SLC6A19: variants seen among roughly 807,000 people sequenced by gnomAD.
SLC6A19 encodes sodium-dependent neutral amino acid transporter B(0)AT1.
In SLC6A19, 67 loss-of-function variants were observed where a neutral mutation model predicts 68.3. That is an observed-to-expected ratio of 0.98 (90% confidence interval 0.81 to 1.20). The LOEUF is 1.20. Among genes scored for constraint, SLC6A19 ranks in the 50% most tolerant of loss-of-function variants. The probability of loss-of-function intolerance (pLI) is 0.00; values close to 1 mark genes in which losing one functional copy is unlikely to be tolerated. For synonymous variants in SLC6A19, 392 were observed against 374.9 expected (o/e 1.05, Z -0.53); for missense variants, 813 against 851.6 (o/e 0.95, Z 0.56).
At position 1,214,305 on chromosome 5, in the gene SLC6A19, A is replaced by G. The variant is rs1455121672; in HGVS notation, c.887+240A>G. 1.3e-5 allele frequency among the ~76,000 whole-genome samples: 2 copies of G among 151,666 alleles called. No individual in the cohort carries two copies. Among genetic ancestry groups the G allele is most frequent in the African/African-American group, 2.4e-5 (1 of 41,216 alleles). The stretch of plus-strand genomic sequence containing the variant: ...GCCGGGCGCCTGCAGCTTTCCCCAC[A>G]CCCGTCCCTCCACGAGCCTGGTGCA... On this transcript the variant is annotated intron_variant, in intron 6 of 11. Transcript: ENST00000304460. The surrounding 1 kb of genome is among the most constrained non-coding windows in gnomAD (Gnocchi z 7.4).
At position 1,210,552 on chromosome 5, in the gene SLC6A19, G is replaced by A. The variant is rs1745996598; in HGVS notation, c.452G>A (p.Ser151Asn). The change falls in exon 3 of 12, where the codon AGC becomes AAC. Residue 151 changes from serine to asparagine, a missense_variant. Coordinates refer to ENST00000304460, the MANE Select transcript of SLC6A19 (RefSeq NM_001003841.3). ...FNSFQEPLPW[S>N]DCPLNENQTG... ...TCCTTCCAGGAGCCTCTGCCCTGGA[G>A]CGACTGCCCGCTCAACGAGAACCAG... 6.2e-7 allele frequency: 1 copy of A among 1,613,076 alleles called. No homozygotes were observed. The highest frequency in any genetic ancestry group is 1.1e-5 in the South Asian group (1 of 91,094).
chr5:1,219,425 C>T (rs1746302109), intron 9 of SLC6A19, 80 bp from the exon 10 acceptor site: 5 of 1,580,710 alleles, frequency 3.2e-6, no homozygotes, highest in South Asian at 1.1e-5. Context: ...ATGTGCAGCC[C>T]CCAGTTGTGT....
intron 3 of SLC6A19, among the ~76,000 whole-genome samples, chr5:1,211,034 C>T (rs993437110): frequency 3.9e-5 from 6 of 152,166 alleles, no homozygotes; most frequent in African/African-American, 7.2e-5. Context: ...AGGGAGGGAG[C>T]GTAGGGGGCA....
intron 10 of SLC6A19, among the ~76,000 whole-genome samples, chr5:1,220,088 C>A (rs1456905491): frequency 2.0e-5 from 3 of 152,080 alleles, no homozygotes; most frequent in African/African-American, 4.8e-5. Flanking sequence ...GACAGGGACT[C>A]TTGGTTGGAG....
chr5:1,221,097 G>C (rs528723719), intron 10 of SLC6A19, 54 bp from the exon 11 acceptor site: 1 of 1,595,240 alleles, frequency 6.3e-7, no homozygotes, highest in Non-Finnish European at 8.5e-7. Context: ...AGAAAGCTTA[G>C]CGAGTTGAAG....
chr5:1,207,533 T>G (rs763653697), intron 1 of SLC6A19, among the ~76,000 whole-genome samples: 1 of 152,258 alleles, frequency 6.6e-6, no homozygotes, highest in Non-Finnish European at 1.5e-5. Flanking sequence ...AATGTGAGTG[T>G]GAAATCCTTC....
rs1196847480 is a variant in SLC6A19, at chr5:1,216,858, C to A, written c.1086C>A (p.Asp362Glu). 1.9e-5 allele frequency: 30 copies of A among 1,613,690 alleles called. No homozygotes were observed. Among genetic ancestry groups the A allele is most frequent in the Non-Finnish European group, 2.5e-5 (29 of 1,180,056 alleles). Reference sequence around the variant, plus strand: ...ACGTGACCCAGGAGAACTTTGTGGACATGCAGCAGCGGTGCAACGCCTCCG... The same window carrying A: ...ACGTGACCCAGGAGAACTTTGTGGAAATGCAGCAGCGGTGCAACGCCTCCG... The part of the protein sequence containing the change: ...EGNVTQENFV[D>E]MQQRCNASDP... The change falls in exon 8 of 12, where the codon GAC (aspartate) becomes GAA (glutamate). Residue 362 changes from aspartate to glutamate, a missense_variant. Asp to Glu is a conservative substitution (Grantham distance 45). Coordinates refer to ENST00000304460, the MANE Select transcript of SLC6A19 (RefSeq NM_001003841.3).
intron 1 of SLC6A19, among the ~76,000 whole-genome samples, chr5:1,205,425 T>C (rs1745826324): frequency 6.6e-6 from 1 of 152,092 alleles, no homozygotes. Context: ...GTGGAGTGGG[T>C]GTGTGCCCCC....
At chr5:1,202,192 C>T (rs998373520) in intron 1 of SLC6A19, among the ~76,000 whole-genome samples, 8 of 152,170 alleles carry the variant, frequency 5.3e-5, no homozygotes, top group South Asian at 2.1e-4. Context: ...CCTCGGAGGA[C>T]GCGGGGCTGG....
At chr5:1,207,450 G>A (rs1420664116) in intron 1 of SLC6A19, among the ~76,000 whole-genome samples, 2 of 152,280 alleles carry the variant, frequency 1.3e-5, no homozygotes, top group Non-Finnish European at 2.9e-5. Flanking sequence ...CTGCCGCTGA[G>A]CTCTGAGAGG....
chr5:1,219,599 C>T lies in SLC6A19; in HGVS notation c.1473C>T (p.Ser491=). Residue 491 remains serine, a synonymous_variant, in exon 10 of 12, where the codon TCC becomes TCT. Transcript: ENST00000304460. ...WLSLLDSYAG[S]IPLLIIAFCE... ...CCCTGCTGGACAGCTATGCCGGCTC[C>T]ATTCCCCTGCTCATCATCGCCTTCT... 1.9e-6 allele frequency: 3 copies of T among 1,611,354 alleles called. No homozygotes were observed. Among genetic ancestry groups the T allele is most frequent in the Non-Finnish European group, 2.5e-6 (3 of 1,180,016 alleles).
In SLC6A19 at chr5:1,222,000, T is replaced by A; in HGVS notation, c.*96T>A. ...GGGCCGGGCTGCACCTGCATGTGTGTAAGCGTGAGTGTATGCTCGTGTGTG... is the reference window on the plus strand; with the variant it reads ...GGGCCGGGCTGCACCTGCATGTGTGAAAGCGTGAGTGTATGCTCGTGTGTG... On this transcript the variant is annotated 3_prime_UTR_variant, in exon 12 of 12. Transcript: ENST00000304460. 7.5e-7 allele frequency: 1 copy of A among 1,329,392 alleles called. No individual in the cohort carries two copies. Among genetic ancestry groups the A allele is most frequent in the Non-Finnish European group, 1.1e-6 (1 of 949,718 alleles). 82.3% of individuals were successfully genotyped at this position (1,329,392 alleles called of 1,614,324 possible).
At chr5:1,220,980 G>C (rs1367425038) in intron 10 of SLC6A19, among the ~76,000 whole-genome samples, 171 bp from the exon 11 acceptor site, 1 of 152,210 alleles carries the variant, frequency 6.6e-6, no homozygotes, top group African/African-American at 2.4e-5. Context: ...TGCCCACAGA[G>C]GGGTCTGCTT....
chr5:1,205,081 G>T (rs1384185726), intron 1 of SLC6A19, among the ~76,000 whole-genome samples: 2 of 152,042 alleles, frequency 1.3e-5, no homozygotes, highest in African/African-American at 4.8e-5. Context: ...CCATTCTCTC[G>T]GTTACCTGCT....
chr5:1,208,960 G>A, intron 2 of SLC6A19, 74 bp downstream of exon 2: 1 of 1,535,916 alleles, frequency 6.5e-7, no homozygotes, highest in Non-Finnish European at 8.7e-7. Context: ...CCGGGCCCAG[G>A]GTTCGCCTTG....
In SLC6A19 at chr5:1,212,655, A is replaced by AG. The variant is rs1746077645; in HGVS notation, c.663+175dup. Among the ~76,000 whole-genome samples, 1 of 151,966 alleles carries AG rather than the reference A, an allele frequency of 6.6e-6. No homozygotes were observed. Among genetic ancestry groups the AG allele is most frequent in the African/African-American group, 2.4e-5 (1 of 41,340 alleles). ...CCTTAGGCTCACTGGCCTGGGCGGG[A>AG]GGGGCCCTGCCTGCCCCAGGTTTCC... On this transcript the variant is annotated intron_variant, in intron 4 of 11. Transcript: ENST00000304460. This position sits in a 1 kb window ranked among gnomAD's most constrained non-coding sequence, Gnocchi z 5.1.
chr5:1,214,131 A>G lies in SLC6A19; in HGVS notation c.887+66A>G. On this transcript the variant is annotated intron_variant, in intron 6 of 11. Coordinates refer to ENST00000304460, the MANE Select transcript of SLC6A19 (RefSeq NM_001003841.3). This position sits in a 1 kb window ranked among gnomAD's most constrained non-coding sequence, Gnocchi z 7.4. ...CTGGGGGGATCTTGCTGGGAGGATA[A>G]AAGACAAGGTGGAAAGCACTCTGTG... is the stretch of plus-strand genomic sequence containing the variant. 6.2e-7 allele frequency: 1 copy of G among 1,610,460 alleles called. No individual in the cohort carries two copies. The highest frequency in any genetic ancestry group is 8.5e-7 in the Non-Finnish European group (1 of 1,178,740).
In SLC6A19 at chr5:1,212,060, T is replaced by C. The variant is rs576790065; in HGVS notation, c.482-243T>C. On this transcript the variant is annotated intron_variant, in intron 3 of 11. Transcript: ENST00000304460. This position sits in a 1 kb window ranked among gnomAD's most constrained non-coding sequence, Gnocchi z 5.1. ...CTGTGTGTGTGTGTGCATGTGCATG[T>C]GTGGGGTGTGCAGGTGCATGGACCA... is the stretch of plus-strand genomic sequence containing the variant. 6.6e-6 allele frequency among the ~76,000 whole-genome samples: 1 copy of C among 150,920 alleles called. No homozygotes were observed. Among genetic ancestry groups the C allele is most frequent in the African/African-American group, 2.4e-5 (1 of 40,870 alleles).
Position 1,216,783 on chromosome 5 carries a change from C to T in SLC6A19, c.1017-6C>T. 6.2e-7 allele frequency: 1 copy of T among 1,613,760 alleles called. No homozygotes were observed. The highest frequency in any genetic ancestry group is 8.5e-7 in the Non-Finnish European group (1 of 1,180,032). Reference sequence around the variant, plus strand: ...AGGTGGCCGTCAGCCTCAATCTGACCCGCAGGAACATCCTGACCCTCATCA... The same window carrying T: ...AGGTGGCCGTCAGCCTCAATCTGACTCGCAGGAACATCCTGACCCTCATCA... On this transcript the variant is annotated splice_polypyrimidine_tract_variant and splice_region_variant and intron_variant, in intron 7 of 11. Transcript: ENST00000304460.
Sources: allele counts gnomAD v4.1 joint callset (sites outside exome capture counted in the v4.1 genomes callset), GRCh38; gene constraint gnomAD v4.1.1; non-coding constraint Gnocchi (gnomAD v3.1); transcripts MANE v1.5; gene names NCBI Gene and HGNC (gene_info 2026-07-23, HGNC 2026-07-21).